Variants in DGKB observed in about 807,000 individuals in gnomAD.
DGKB encodes the protein 90 kDa diacylglycerol kinase.
Under a neutral mutation model 114.3 loss-of-function variants are expected in DGKB, and 67 were observed. That is an observed-to-expected ratio of 0.59 (90% confidence interval 0.48 to 0.72). The LOEUF (loss-of-function observed/expected upper bound fraction) is 0.72, where lower values mean the gene tolerates loss of function less well. Among genes scored for constraint, DGKB ranks in the 30% least tolerant of loss-of-function variants. DGKB has a pLI of 0.00. For missense variants in DGKB, 907 were observed against 975.2 expected (o/e 0.93, Z 0.93); for synonymous variants, 398 against 323.1 (o/e 1.23, Z -2.49).
intron 2 of DGKB, among the ~76,000 whole-genome samples, chr7:14,797,015 T>C (rs1230624852): frequency 6.6e-6 from 1 of 152,350 alleles, no homozygotes; most frequent in South Asian, 2.1e-4. Flanking sequence ...CTGAAAACCC[T>C]CAGTCTTTTA....
At chr7:14,899,832 C>T (rs1782706283) in intron 1 of DGKB, among the ~76,000 whole-genome samples, 1 of 152,136 alleles carries the variant, frequency 6.6e-6, no homozygotes, top group Non-Finnish European at 1.5e-5. Flanking sequence ...TGCTCAACCC[C>T]ACCCTGATCC....
At chr7:14,803,751 T>C (rs1316353838) in intron 2 of DGKB, among the ~76,000 whole-genome samples, 1 of 152,184 alleles carries the variant, frequency 6.6e-6, no homozygotes, top group Non-Finnish European at 1.5e-5. Flanking sequence ...AAGCTTTCTG[T>C]ATTTTCTTAG....
At chr7:14,445,953 A>G (rs1313708652) in intron 21 of DGKB, among the ~76,000 whole-genome samples, 1 of 152,088 alleles carries the variant, frequency 6.6e-6, no homozygotes, top group Admixed American at 6.6e-5. Flanking sequence ...ATCTACACTG[A>G]AGGGCTCACA....
chr7:14,598,726 A>G (rs1025109089), intron 17 of DGKB, among the ~76,000 whole-genome samples: 13 of 152,180 alleles, frequency 8.5e-5, no homozygotes, highest in Admixed American at 7.9e-4. Flanking sequence ...AAAATCTATT[A>G]TAAAGTAAAT....
chr7:14,609,032 T>C (rs1220640481), intron 16 of DGKB, among the ~76,000 whole-genome samples: 1 of 152,050 alleles, frequency 6.6e-6, no homozygotes, highest in Non-Finnish European at 1.5e-5. Context: ...AAACTACCAA[T>C]GTCGTTCTTC....
intron 21 of DGKB, among the ~76,000 whole-genome samples, chr7:14,373,979 C>A (rs1818088667): frequency 6.6e-6 from 1 of 152,084 alleles, no homozygotes; most frequent in Non-Finnish European, 1.5e-5. Flanking sequence ...ATTCTCATTT[C>A]CTCTGCTGAG....
chr7:14,196,620 T>C (rs1428067866), intron 23 of DGKB, among the ~76,000 whole-genome samples: 1 of 152,068 alleles, frequency 6.6e-6, no homozygotes, highest in Non-Finnish European at 1.5e-5. Context: ...TAAATAACCA[T>C]AAGAAATACA....
At chr7:14,628,391 A>G (rs2128836247) in intron 14 of DGKB, among the ~76,000 whole-genome samples, 1 of 152,014 alleles carries the variant, frequency 6.6e-6, no homozygotes, top group South Asian at 2.1e-4. Flanking sequence ...GGTATTAATA[A>G]TAAAAATAGT....
At chr7:14,850,215 T>C (rs964964259) in intron 1 of DGKB, among the ~76,000 whole-genome samples, 10 of 152,156 alleles carry the variant, frequency 6.6e-5, no homozygotes, top group East Asian at 1.9e-4. Context: ...AGTTAGATAG[T>C]AAAGGTGGCA....
At chr7:14,692,947 G>T (rs2128992851) in intron 9 of DGKB, among the ~76,000 whole-genome samples, 1 of 151,990 alleles carries the variant, frequency 6.6e-6, no homozygotes, top group East Asian at 1.9e-4. Flanking sequence ...TATTCCTAAA[G>T]CCCATTTATA....
intron 13 of DGKB, among the ~76,000 whole-genome samples, chr7:14,663,701 ACTTC>A (rs1295233363): frequency 9.1e-4 from 62 of 68,198 alleles, no homozygotes; most frequent in Admixed American, 2.2e-3. Context: ...CCCTTCCCTC[ACTTC>A]CTTCCTTCCT....
chr7:14,369,105 G>A (rs373838174), intron 21 of DGKB, among the ~76,000 whole-genome samples: 1 of 151,720 alleles, frequency 6.6e-6, no homozygotes, highest in South Asian at 2.1e-4. Flanking sequence ...AGTGTGTGAT[G>A]TTTCCCTCCC....
intron 6 of DGKB, 45 bp downstream of exon 6, chr7:14,718,497 C>G: frequency 6.4e-7 from 1 of 1,562,496 alleles, no homozygotes; most frequent in African/African-American, 1.4e-5. Flanking sequence ...AGTCCTTTCT[C>G]CTGCCCCCAA....
chr7:14,790,077 T>C (rs1364930298), intron 2 of DGKB, among the ~76,000 whole-genome samples: 1 of 152,254 alleles, frequency 6.6e-6, no homozygotes, highest in Non-Finnish European at 1.5e-5. Context: ...TTATTTACCA[T>C]CTGAATATTC....
chr7:14,646,286 A>G (rs924367856), intron 13 of DGKB, among the ~76,000 whole-genome samples: 1 of 152,216 alleles, frequency 6.6e-6, no homozygotes, highest in African/African-American at 2.4e-5. Context: ...GAAGGTCATT[A>G]GATAAAAATT....
chr7:14,698,461 G>C (rs967075181), intron 7 of DGKB, among the ~76,000 whole-genome samples: 6 of 152,048 alleles, frequency 3.9e-5, no homozygotes, highest in Admixed American at 3.3e-4. Flanking sequence ...AAGAAAGCAG[G>C]ACCAAATACA....
In DGKB at chr7:14,613,210, G is replaced by A. The variant is rs374067260; in HGVS notation, c.1358+130C>T. 3.5e-4 allele frequency: 210 copies of A among 604,178 alleles called. 1 individual carries two copies. The South Asian group carries it at 4.8e-3, about 14-fold the overall frequency. The allele number at this position is 604,178 out of a possible 1,614,324, so 37.4% of individuals were successfully genotyped here. ...ACAAGATCATATAAACATATTAAAT[G>A]CTAGCATCATTTATTTTGCATTAAA... On this transcript the variant is annotated intron_variant, in intron 16 of 25. Transcript: ENST00000402815.
At chr7:14,273,558 G>A (rs1473662591) in intron 23 of DGKB, among the ~76,000 whole-genome samples, 7 of 152,146 alleles carry the variant, frequency 4.6e-5, no homozygotes, top group Non-Finnish European at 1.0e-4. Flanking sequence ...TTACATTGTT[G>A]TATTGACACA....
At chr7:14,358,058 C>A (rs1239956513) in intron 21 of DGKB, among the ~76,000 whole-genome samples, 4 of 152,210 alleles carry the variant, frequency 2.6e-5, no homozygotes, top group Middle Eastern at 3.4e-3. Context: ...GTGAATCTGA[C>A]AATTATGTGT....
Sources: allele counts gnomAD v4.1 joint callset (sites outside exome capture counted in the v4.1 genomes callset), GRCh38; gene constraint gnomAD v4.1.1; transcripts MANE v1.5; gene names NCBI Gene and HGNC (gene_info 2026-07-23, HGNC 2026-07-21).